Variants in E2F8 observed in about 807,000 individuals in gnomAD.
E2F8 encodes transcription factor E2F8.
Under a neutral mutation model 80.8 loss-of-function variants are expected in E2F8, and 35 were observed. That is an observed-to-expected ratio of 0.43 (90% CI 0.33 to 0.57). The LOEUF is 0.57. Among genes scored for constraint, E2F8 ranks in the 20% least tolerant of loss-of-function variants. The pLI, the probability that E2F8 is intolerant of heterozygous loss-of-function variation, is 0.04. For missense variants in E2F8, 975 were observed against 1,056.2 expected, an observed-to-expected ratio of 0.92 and a Z score of 1.07; for synonymous variants, 386 against 395.0, an observed-to-expected ratio of 0.98 and a Z score of 0.27.
At position 19,230,286 on chromosome 11, in the gene E2F8, G is replaced by A; in HGVS notation, c.1313C>T (p.Ala438Val). ...CATTTTACAAATAGCTGCGAGCTGAGCCATTTTACTTGGGAAGGGTGCAGA... is the reference window on the plus strand; with the variant it reads ...CATTTTACAAATAGCTGCGAGCTGAACCATTTTACTTGGGAAGGGTGCAGA... ...QNSAPFPSKM[A>V]QLAAICKMQL... Residue 438 changes from alanine (A) to valine (V), a missense_variant, in exon 9 of 13, where the codon GCT becomes GTT. Transcript: ENST00000250024. The A allele has an allele frequency of 6.2e-7, 1 of 1,614,048 alleles. No individual in the cohort carries two copies.
Position 19,229,561 on chromosome 11 carries a change from T to G in E2F8, c.1786A>C (p.Arg596=), listed in dbSNP as rs1392439187. Residue 596 remains arginine (R), a synonymous_variant, in exon 10 of 13, where the codon AGG becomes CGG. Coordinates refer to ENST00000250024, the MANE Select transcript of E2F8 (RefSeq NM_024680.4). The surrounding 1 kb of genome is among the most constrained non-coding windows in gnomAD (Gnocchi z 4.3). ...PERQGAKSRT[R]EPAGERGSKR... ...GAGCCTCTTTCTCCAGCTGGCTCCC[T>G]GGTTCGGCTCTTTGCCCCTTGCCTC... The G allele has an allele frequency of 1.2e-6, 2 of 1,614,262 alleles. No individual in the cohort carries two copies. The highest frequency in any genetic ancestry group is 1.7e-6 in the Non-Finnish European group (2 of 1,180,054).
intron 7 of E2F8, 76 bp downstream of exon 7, chr11:19,232,158 C>T: frequency 1.3e-6 from 2 of 1,574,722 alleles, no homozygotes; most frequent in Admixed American, 1.8e-5. Flanking sequence ...AGGGGAACAA[C>T]ACACACTGGA....
chr11:19,241,282 C>G (rs1384961965), upstream of E2F8: 1 of 154,670 alleles, frequency 6.5e-6, no homozygotes, highest in African/African-American at 2.4e-5. This position sits in a 1 kb window ranked among gnomAD's most constrained non-coding sequence, Gnocchi z 4.5. Context: ...AGCTCAGCTC[C>G]TCCCTCACGG....
At chr11:19,228,961 A>G (rs966359199) in intron 10 of E2F8, among the ~76,000 whole-genome samples, 7 of 152,228 alleles carry the variant, frequency 4.6e-5, no homozygotes, top group Admixed American at 4.6e-4. Context: ...TGATTTTTCT[A>G]TTTACATGAA....
At chr11:19,237,714 C>G (rs1851556921) in intron 3 of E2F8, 140 bp downstream of exon 3, 1 of 1,221,040 alleles carries the variant, frequency 8.2e-7, no homozygotes, top group African/African-American at 1.5e-5. Context: ...GGGGTCCAAA[C>G]CTTTCTGGTG....
chr11:19,231,903 G>A (rs181736185), intron 7 of E2F8, among the ~76,000 whole-genome samples: 12 of 152,190 alleles, frequency 7.9e-5, no homozygotes, highest in African/African-American at 2.6e-4. Context: ...AGTAGGAAGG[G>A]GAAGGGAAAA....
At chr11:19,226,708 A>C (rs935087780) in intron 10 of E2F8, among the ~76,000 whole-genome samples, 1 of 152,214 alleles carries the variant, frequency 6.6e-6, no homozygotes, top group African/African-American at 2.4e-5. Flanking sequence ...AAAACCCAAA[A>C]AATGTCTACT....
At chr11:19,225,983 G>T in intron 10 of E2F8, 119 bp from the exon 11 acceptor site, 1 of 1,222,794 alleles carries the variant, frequency 8.2e-7, no homozygotes, top group Non-Finnish European at 1.1e-6. Context: ...AGCCTCCAGC[G>T]GAGTGGGCTG....
chr11:19,229,409 A>T lies in E2F8; in HGVS notation c.1893+45T>A, dbSNP rs111943624. On this transcript the variant is annotated intron_variant, in intron 10 of 12. Coordinates refer to ENST00000250024, the MANE Select transcript of E2F8 (RefSeq NM_024680.4). This position sits in a 1 kb window ranked among gnomAD's most constrained non-coding sequence, Gnocchi z 4.3. Reference sequence around the variant, plus strand: ...CAAGCCACCAATCTTCCTGTAATAGACTAGGGAATTCCTAAAGCTTTGTGC... The same window carrying T: ...CAAGCCACCAATCTTCCTGTAATAGTCTAGGGAATTCCTAAAGCTTTGTGC... 95 of 1,555,176 alleles carry T rather than the reference A, an allele frequency of 6.1e-5. 1 individual carries two copies. The African/African-American group carries it at 9.9e-4, about 16-fold the overall frequency.
intron 4 of E2F8, 81 bp downstream of exon 4, chr11:19,237,233 G>C: frequency 1.5e-6 from 2 of 1,338,268 alleles, no homozygotes; most frequent in South Asian, 2.5e-5. Context: ...ACACTGGCTA[G>C]ATGAGCGGGG....
chr11:19,225,844 G>T lies in E2F8; in HGVS notation c.1914C>A (p.Tyr638Ter). The change falls in exon 11 of 13, where the codon TAC becomes TAA. Residue 638 changes from tyrosine to a stop codon, truncating the protein, a stop_gained. Coordinates refer to ENST00000250024, the MANE Select transcript of E2F8 (RefSeq NM_024680.4). LOFTEE classifies it high-confidence loss of function. ...ATGAGCACTGCGTGAGAGGGATTAG[G>T]TATCCTGATGGGAACAAGGTCTAGA... The part of the protein sequence containing the change: ...NVSATLFPSG[Y>*]LIPLTQCSSL... 1 of 1,614,098 alleles carries T rather than the reference G, an allele frequency of 6.2e-7. No individual in the cohort carries two copies. Among genetic ancestry groups the T allele is most frequent in the Non-Finnish European group, 8.5e-7 (1 of 1,180,014 alleles).
intron 7 of E2F8, among the ~76,000 whole-genome samples, chr11:19,231,484 A>AG (rs1309825382): frequency 6.6e-6 from 1 of 152,230 alleles, no homozygotes; most frequent in African/African-American, 2.4e-5. Flanking sequence ...CCAGAGTGGC[A>AG]GGGCTTGGAA....
At chr11:19,225,012 G>T in intron 12 of E2F8, 172 bp from the exon 13 acceptor site, 1 of 1,111,896 alleles carries the variant, frequency 9.0e-7, no homozygotes, top group Non-Finnish European at 1.3e-6. Context: ...ATTTTTGTTA[G>T]GGGAGAGACA....
chr11:19,231,831 A>G (rs1851390821), intron 7 of E2F8, among the ~76,000 whole-genome samples: 1 of 152,158 alleles, frequency 6.6e-6, no homozygotes, highest in African/African-American at 2.4e-5. Context: ...CAAACTTTCT[A>G]TATTGCCATT....
Position 19,224,693 on chromosome 11 carries a change from G to T in E2F8, c.2569C>A (p.Arg857=), listed in dbSNP as rs150255844. The T allele has an allele frequency of 6.2e-7, 1 of 1,613,972 alleles. No homozygotes were observed. The highest frequency in any genetic ancestry group is 1.3e-5 in the African/African-American group (1 of 74,902). Residue 857 remains arginine, a synonymous_variant, in exon 13 of 13, where the codon CGA becomes AGA. Coordinates refer to ENST00000250024, the MANE Select transcript of E2F8 (RefSeq NM_024680.4). ...TSLGTLFVPQ[R]KLEVSTEDVH ...TCCTCTGTTGAGACTTCCAGTTTTC[G>T]CTGTGGGACAAAGAGAGTTCCTAAG...
intron 10 of E2F8, among the ~76,000 whole-genome samples, chr11:19,228,569 A>G (rs1851292702): frequency 6.6e-6 from 1 of 152,266 alleles, no homozygotes; most frequent in Non-Finnish European, 1.5e-5. Context: ...TCCAGAGCAC[A>G]GTGCTTTATA....
chr11:19,225,663 A>G, intron 11 of E2F8, 48 bp from the exon 12 acceptor site: 4 of 1,609,520 alleles, frequency 2.5e-6, no homozygotes, highest in Non-Finnish European at 3.4e-6. Context: ...GCATTTATCC[A>G]AGAAGTTGAC....
In E2F8 at chr11:19,225,536, G is replaced by T; in HGVS notation, c.2106C>A (p.Val702=). Residue 702 remains valine, a synonymous_variant, in exon 12 of 13, where the codon GTC becomes GTA. Transcript: ENST00000250024. The part of the protein sequence containing the change: ...SFHVTPLKLM[V]SPTSVAAVPV... ...GTACGGCTGCCACGGAAGTTGGTGA[G>T]ACCATTAGCTTCAACGGTGTTACAT... 6.2e-7 allele frequency: 1 copy of T among 1,614,212 alleles called. No homozygotes were observed. Among genetic ancestry groups the T allele is most frequent in the Non-Finnish European group, 8.5e-7 (1 of 1,180,048 alleles).
intron 3 of E2F8, 130 bp downstream of exon 3, chr11:19,237,724 G>T: frequency 8.0e-7 from 1 of 1,255,354 alleles, no homozygotes; most frequent in Non-Finnish European, 1.1e-6. Context: ...CCTTTCTGGT[G>T]CTCCGAAGGA....
Sources: allele counts gnomAD v4.1 joint callset (sites outside exome capture counted in the v4.1 genomes callset), GRCh38; gene constraint gnomAD v4.1.1; non-coding constraint Gnocchi (gnomAD v3.1); transcripts MANE v1.5; gene names NCBI Gene and HGNC (gene_info 2026-07-23, HGNC 2026-07-21).